RAB2A: variants seen among roughly 807,000 people sequenced by gnomAD.
The protein encoded by RAB2A is RAB2A, member RAS oncogene family.
Under a neutral mutation model 32.5 loss-of-function variants are expected in RAB2A, and 7 were observed. The ratio of observed to expected loss-of-function variants is 0.22; its 90% CI spans 0.12 to 0.40. The LOEUF (loss-of-function observed/expected upper bound fraction) is 0.40, where lower values mean the gene tolerates loss of function less well. Among genes scored for constraint, RAB2A ranks in the 10% least tolerant of loss-of-function variants. The probability of loss-of-function intolerance (pLI) is 1.00; values close to 1 mark genes in which losing one functional copy is unlikely to be tolerated. For synonymous variants in RAB2A, 79 were observed against 85.2 expected (o/e 0.93, Z 0.40); for missense variants, 108 against 260.7 (o/e 0.41, Z 4.03).
chr8:60,528,835 G>A (rs73257492), intron 1 of RAB2A, among the ~76,000 whole-genome samples: 7,310 of 152,078 alleles, frequency 0.048, 430 homozygotes, highest in African/African-American at 0.14. Flanking sequence ...TCAGCCCCCC[G>A]AAAGTGCTGG....
At chr8:60,548,607 C>T (rs932086195) in intron 1 of RAB2A, among the ~76,000 whole-genome samples, 6 of 143,974 alleles carry the variant, frequency 4.2e-5, no homozygotes, top group African/African-American at 1.3e-4. Flanking sequence ...AGGCGCCCCT[C>T]ACTTCCCGGA....
intron 1 of RAB2A, among the ~76,000 whole-genome samples, chr8:60,519,763 AC>A (rs1286735325): frequency 2.0e-5 from 3 of 151,988 alleles, no homozygotes; most frequent in East Asian, 3.9e-4. Flanking sequence ...TGTATATTTA[AC>A]TAATAAGAGA....
At chr8:60,523,248 C>G (rs1313091029) in intron 1 of RAB2A, among the ~76,000 whole-genome samples, 1 of 151,786 alleles carries the variant, frequency 6.6e-6, no homozygotes, top group African/African-American at 2.4e-5. Flanking sequence ...ACTTCTGCCT[C>G]CTGGATTCAC....
At chr8:60,570,135 T>C (rs1808176182) in intron 2 of RAB2A, 1 of 435,204 alleles carries the variant, frequency 2.3e-6, no homozygotes, top group African/African-American at 2.0e-5. Context: ...TTGCTAGCCT[T>C]GCCTTCCTTA....
chr8:60,526,591 G>A (rs1025155808), intron 1 of RAB2A, among the ~76,000 whole-genome samples: 2 of 152,094 alleles, frequency 1.3e-5, no homozygotes, highest in Non-Finnish European at 2.9e-5. Context: ...CACAGGTTCT[G>A]GGGATTAGGA....
At chr8:60,579,511 A>G (rs1803703455) in intron 3 of RAB2A, among the ~76,000 whole-genome samples, 1 of 152,198 alleles carries the variant, frequency 6.6e-6, no homozygotes, top group African/African-American at 2.4e-5. Context: ...AATATTAGGA[A>G]TCTCTTACTA....
intron 2 of RAB2A, among the ~76,000 whole-genome samples, chr8:60,570,482 A>C (rs1397022225): frequency 1.3e-5 from 2 of 152,098 alleles, no homozygotes; most frequent in Non-Finnish European, 2.9e-5. Flanking sequence ...TTCATTTTTC[A>C]TGTCATTAAT....
At chr8:60,540,771 C>A (rs1397227816) in intron 1 of RAB2A, among the ~76,000 whole-genome samples, 1 of 152,112 alleles carries the variant, frequency 6.6e-6, no homozygotes, top group Non-Finnish European at 1.5e-5. Flanking sequence ...TGTGAGCCAC[C>A]GTGCCCAGCC....
intron 1 of RAB2A, among the ~76,000 whole-genome samples, chr8:60,518,237 A>G (rs921885033): frequency 6.6e-6 from 1 of 152,224 alleles, no homozygotes; most frequent in Non-Finnish European, 1.5e-5. Context: ...TGTTGCAACT[A>G]TTAATATACC....
intron 5 of RAB2A, among the ~76,000 whole-genome samples, chr8:60,591,055 G>C (rs1475155399): frequency 6.6e-6 from 1 of 151,480 alleles, no homozygotes; most frequent in African/African-American, 2.4e-5. Flanking sequence ...GAAGTATGTG[G>C]ACATTATATT....
At chr8:60,522,411 C>T (rs117840652) in intron 1 of RAB2A, among the ~76,000 whole-genome samples, 11 of 152,240 alleles carry the variant, frequency 7.2e-5, no homozygotes, top group East Asian at 1.9e-4. Flanking sequence ...CACACTTAAC[C>T]GTTACTTCTG....
chr8:60,606,346 A>C (rs776038623), intron 6 of RAB2A, among the ~76,000 whole-genome samples: 3 of 152,214 alleles, frequency 2.0e-5, no homozygotes, highest in Non-Finnish European at 4.4e-5. Context: ...GCTGTCTCTG[A>C]CCTGTGAATC....
chr8:60,532,925 G>GCA (rs1350054461), intron 1 of RAB2A, among the ~76,000 whole-genome samples: 1 of 152,242 alleles, frequency 6.6e-6, no homozygotes, highest in African/African-American at 2.4e-5. Context: ...TCTGATATTA[G>GCA]CAACAACTTG....
At chr8:60,521,723 C>T (rs1342006715) in intron 1 of RAB2A, among the ~76,000 whole-genome samples, 1 of 152,144 alleles carries the variant, frequency 6.6e-6, no homozygotes, top group Non-Finnish European at 1.5e-5. Flanking sequence ...TAGGTTCAAG[C>T]GATTCTCCTG....
At chr8:60,538,398 A>G (rs1450456758) in intron 1 of RAB2A, among the ~76,000 whole-genome samples, 2 of 152,234 alleles carry the variant, frequency 1.3e-5, no homozygotes, top group Non-Finnish European at 2.9e-5. Flanking sequence ...CAGGAATTTG[A>G]ACAGAGAAAG....
chr8:60,599,414 T>A (rs1231920374), intron 6 of RAB2A, among the ~76,000 whole-genome samples: 1 of 152,168 alleles, frequency 6.6e-6, no homozygotes, highest in African/African-American at 2.4e-5. Context: ...AGTACAATGT[T>A]TTGTAGATAT....
At chr8:60,521,687 C>G (rs1425913569) in intron 1 of RAB2A, among the ~76,000 whole-genome samples, 1 of 152,170 alleles carries the variant, frequency 6.6e-6, no homozygotes, top group African/African-American at 2.4e-5. Flanking sequence ...GTGGCGCCAT[C>G]TGGGTTCACT....
chr8:60,583,542 AATTG>A (rs1803796630), intron 3 of RAB2A, among the ~76,000 whole-genome samples: 1 of 152,224 alleles, frequency 6.6e-6, no homozygotes, highest in Non-Finnish European at 1.5e-5. Context: ...ATACAGAGAA[AATTG>A]ATTAAGTGTG....
chr8:60,563,998 CAG>C (rs1489936901), intron 2 of RAB2A, among the ~76,000 whole-genome samples: 2 of 152,218 alleles, frequency 1.3e-5, no homozygotes, highest in Non-Finnish European at 2.9e-5. Flanking sequence ...GAGAAAAGCA[CAG>C]AGCCATGCTA....
Sources: gnomAD v4.1 joint callset for allele counts (sites outside exome capture counted in the v4.1 genomes callset) on GRCh38, gnomAD v4.1.1 for gene constraint, MANE v1.5 for transcripts, NCBI Gene and HGNC (gene_info 2026-07-23, HGNC 2026-07-21) for gene names.